Variants in TYW1 observed in about 807,000 individuals in gnomAD.
TYW1 encodes the protein S-adenosyl-L-methionine-dependent tRNA 4-demethylwyosine synthase TYW1.
In TYW1, 46 loss-of-function variants were observed where a neutral mutation model predicts 96.2. The observed-to-expected ratio is 0.48, with a 90% CI of 0.38 to 0.61. The LOEUF (loss-of-function observed/expected upper bound fraction) is 0.61, where lower values mean the gene tolerates loss of function less well. Ranked by LOEUF, TYW1 falls within the 20% of genes least tolerant of loss-of-function variation. TYW1 has a pLI of 0.00. For missense variants in TYW1, 684 were observed against 909.6 expected (o/e 0.75, Z 3.19); for synonymous variants, 274 against 323.0 (o/e 0.85, Z 1.63).
intron 13 of TYW1, among the ~76,000 whole-genome samples, chr7:67,137,470 TAAAAG>T (rs1386472294): frequency 6.6e-6 from 1 of 151,742 alleles, no homozygotes; most frequent in African/African-American, 2.4e-5. Context: ...ATAAATAAAA[TAAAAG>T]AGAAAAAAGG....
chr7:67,180,363 C>T (rs368041145), intron 13 of TYW1, among the ~76,000 whole-genome samples: 11 of 117,968 alleles, frequency 9.3e-5, no homozygotes, highest in East Asian at 2.1e-4. Context: ...AACTCACTAC[C>T]GTATCCTTGG....
intron 13 of TYW1, among the ~76,000 whole-genome samples, chr7:67,120,053 C>G (rs1015386305): frequency 4.0e-5 from 6 of 151,494 alleles, no homozygotes; most frequent in Non-Finnish European, 7.4e-5. Context: ...AGCCACTGCT[C>G]CAGGCCTGAT....
At chr7:67,015,834 G>T (rs868697372) in intron 5 of TYW1, among the ~76,000 whole-genome samples, 1 of 151,810 alleles carries the variant, frequency 6.6e-6, no homozygotes, top group East Asian at 1.9e-4. Flanking sequence ...GTGGTGGCGG[G>T]TGCCTGTAGT....
chr7:67,130,027 A>G (rs35731920), intron 13 of TYW1, among the ~76,000 whole-genome samples: 42,077 of 151,290 alleles, frequency 0.28, 6,670 homozygotes, highest in African/African-American at 0.44. Context: ...CCCAGAAGAT[A>G]CTCTGTGTGT....
At chr7:67,149,367 A>G (rs1238231144) in intron 13 of TYW1, among the ~76,000 whole-genome samples, 2 of 152,216 alleles carry the variant, frequency 1.3e-5, no homozygotes, top group Non-Finnish European at 2.9e-5. Context: ...TATGGGTTCT[A>G]TTTGATTTAT....
chr7:67,072,963 T>TTTTTTTTTTTTTTTTTTTTTTTTTTTG (rs1219374462), intron 10 of TYW1, among the ~76,000 whole-genome samples: 1 of 118,684 alleles, frequency 8.4e-6, no homozygotes, highest in African/African-American at 3.4e-5. Context: ...TTTTTTTTTT[T>TTTTTTTTTTTTTTTTTTTTTTTTTTTG]TATAGAGACA....
chr7:67,086,531 C>T (rs562363859), intron 11 of TYW1, among the ~76,000 whole-genome samples: 2 of 152,112 alleles, frequency 1.3e-5, no homozygotes, highest in South Asian at 2.1e-4. Flanking sequence ...GGAGTTGGCT[C>T]ATGTATTTGT....
intron 15 of TYW1, among the ~76,000 whole-genome samples, chr7:67,211,968 G>T (rs1184253074): frequency 6.6e-6 from 1 of 151,910 alleles, no homozygotes; most frequent in Non-Finnish European, 1.5e-5. Context: ...CCTAACTTCT[G>T]CATTTAAAAA....
chr7:67,090,013 C>G (rs1253568581), intron 11 of TYW1, among the ~76,000 whole-genome samples: 1 of 152,178 alleles, frequency 6.6e-6, no homozygotes, highest in Non-Finnish European at 1.5e-5. Context: ...CAGGAACGTC[C>G]TCGGTACTAA....
intron 12 of TYW1, among the ~76,000 whole-genome samples, chr7:67,110,721 T>C (rs1797377800): frequency 6.6e-6 from 1 of 152,156 alleles, no homozygotes; most frequent in East Asian, 1.9e-4. Context: ...TTTAAAATAA[T>C]AGCCAGGCGT....
rs74765531 is a variant in TYW1 at position 67,014,992 on chromosome 7, G to A, written c.570+431G>A. ...TGATCCGCCCAAAGTGAGCCACCGT[G>A]CCCGGCCTCTTCTGTTTTTTTTTTT... On this transcript the variant is annotated intron_variant, in intron 5 of 15. Coordinates refer to ENST00000359626, the MANE Select transcript of TYW1 (RefSeq NM_018264.4). Among the ~76,000 whole-genome samples, 3 of 148,552 alleles carry A rather than the reference G, an allele frequency of 2.0e-5. No individual in the cohort carries two copies. In the East Asian group the frequency reaches 6.0e-4, roughly 30 times the overall value.
At position 67,148,116 on chromosome 7, in the gene TYW1, T is replaced by TG. The variant is rs569112115; in HGVS notation, c.1698+30505dup. Among the ~76,000 whole-genome samples the TG allele has an allele frequency of 1.1e-3, 170 of 150,160 alleles. 2 individuals are homozygous for TG. The highest frequency in any genetic ancestry group is 3.8e-3 in the African/African-American group (156 of 40,724). On this transcript the variant is annotated intron_variant, in intron 13 of 15. Transcript: ENST00000359626. ...GGGTCACAGAAGGCTTTGGGGTTTG[T>TG]GGGGGGGCTTTGAGGGGAGGGTTAT...
At chr7:67,175,991 A>C (rs550893689) in intron 13 of TYW1, among the ~76,000 whole-genome samples, 5 of 152,220 alleles carry the variant, frequency 3.3e-5, no homozygotes, top group African/African-American at 4.8e-5. Context: ...AAATGTGTAC[A>C]TAAACAATCC....
intron 11 of TYW1, among the ~76,000 whole-genome samples, chr7:67,094,187 T>A (rs1243694897): frequency 6.6e-6 from 1 of 152,192 alleles, no homozygotes; most frequent in Non-Finnish European, 1.5e-5. Context: ...TTCGTTTTTA[T>A]GGCTGCATAG....
intron 15 of TYW1, among the ~76,000 whole-genome samples, chr7:67,227,252 C>CTAT (rs767817983): frequency 2.9e-5 from 4 of 138,962 alleles, no homozygotes; most frequent in African/African-American, 8.5e-5. Context: ...ACCAGATATT[C>CTAT]TATTATTATT....
intron 5 of TYW1, among the ~76,000 whole-genome samples, chr7:67,017,274 C>T (rs1431383380): frequency 3.3e-5 from 5 of 152,122 alleles, no homozygotes; most frequent in Non-Finnish European, 7.3e-5. Flanking sequence ...TGAGACACTT[C>T]GCCTGGCGTA....
chr7:67,166,920 G>A (rs536350216), intron 13 of TYW1, among the ~76,000 whole-genome samples: 1 of 152,176 alleles, frequency 6.6e-6, no homozygotes, highest in African/African-American at 2.4e-5. Flanking sequence ...TCTGCATTCA[G>A]TCATCATTAG....
intron 8 of TYW1, among the ~76,000 whole-genome samples, chr7:67,051,865 T>C (rs576523993): frequency 1.3e-5 from 2 of 152,334 alleles, no homozygotes; most frequent in Middle Eastern, 3.4e-3. Flanking sequence ...TTACTTTGCC[T>C]TCATTTTCTA....
At chr7:67,055,926 C>T in intron 9 of TYW1, 39 bp downstream of exon 9, 1 of 1,512,550 alleles carries the variant, frequency 6.6e-7, no homozygotes, top group Non-Finnish European at 9.1e-7. Flanking sequence ...CTATTACATG[C>T]AACTTTTAAA....
Sources: gnomAD v4.1 joint callset for allele counts (sites outside exome capture counted in the v4.1 genomes callset) on GRCh38, gnomAD v4.1.1 for gene constraint, MANE v1.5 for transcripts, NCBI Gene and HGNC (gene_info 2026-07-23, HGNC 2026-07-21) for gene names.